The following GRIN2D variants were observed in gnomAD, a reference collection of about 807,000 sequenced individuals.
GRIN2D encodes the protein glutamate receptor ionotropic, NMDA 2D.
GRIN2D carries 37 observed loss-of-function variants against 103.2 expected under a neutral mutation model. The observed-to-expected ratio is 0.36, with a 90% confidence interval of 0.28 to 0.47. GRIN2D has a LOEUF of 0.47. Among genes scored for constraint, GRIN2D ranks in the 20% least tolerant of loss-of-function variants. The probability of loss-of-function intolerance (pLI) is 1.00; values close to 1 mark genes in which losing one functional copy is unlikely to be tolerated. For synonymous variants in GRIN2D, 845 were observed against 885.6 expected, an observed-to-expected ratio of 0.95 and a Z score of 0.81; for missense variants, 1,557 against 1,910.6, an observed-to-expected ratio of 0.81 and a Z score of 3.45.
chr19:48,404,263 A>G (rs1163430495), intron 3 of GRIN2D, among the ~76,000 whole-genome samples: 1 of 151,482 alleles, frequency 6.6e-6, no homozygotes, highest in Non-Finnish European at 1.5e-5. Context: ...AAAAAATCCA[A>G]ACAGGTGTTC....
chr19:48,441,311 C>A (rs1408879239), intron 11 of GRIN2D, among the ~76,000 whole-genome samples: 1 of 144,522 alleles, frequency 6.9e-6, no homozygotes, highest in African/African-American at 2.6e-5. Flanking sequence ...TGCAGTGAGC[C>A]GAGACTGTGC....
At chr19:48,430,137 G>A (rs964632443) in intron 11 of GRIN2D, among the ~76,000 whole-genome samples, 6 of 152,244 alleles carry the variant, frequency 3.9e-5, no homozygotes, top group African/African-American at 1.4e-4. Context: ...CTATGTAAAT[G>A]CTCTCACAGC....
chr19:48,443,860 C>T lies in GRIN2D; in HGVS notation c.3934C>T (p.His1312Tyr). The change falls in exon 14 of 14, where the codon CAC becomes TAC. Residue 1312 changes from histidine (H) to tyrosine (Y), a missense_variant. His to Tyr is a moderately conservative substitution (Grantham distance 83, BLOSUM62 2). Transcript: ENST00000263269. This position sits in a 1 kb window ranked among gnomAD's most constrained non-coding sequence, Gnocchi z 8.9. ...HWGPPLPTAS[H>Y]RRHRGGDLGT... ...GGGGCCGCCGCTGCCCACAGCTTCC[C>T]ACCGGAGACACCGGGGCGGGGACCT... 2 of 1,483,098 alleles carry T rather than the reference C, an allele frequency of 1.3e-6. No individual in the cohort carries two copies. The highest frequency in any genetic ancestry group is 1.8e-6 in the Non-Finnish European group (2 of 1,124,674). 91.9% of individuals were successfully genotyped at this position (1,483,098 alleles called of 1,614,324 possible). A position where few individuals can be genotyped will look rare whatever the true frequency, so the allele number is the denominator to read the frequency against.
chr19:48,421,249 A>T lies in GRIN2D; in HGVS notation c.2092-536A>T, dbSNP rs1971018372. On this transcript the variant is annotated intron_variant, in intron 10 of 13. Transcript: ENST00000263269. This position sits in a 1 kb window ranked among gnomAD's most constrained non-coding sequence, Gnocchi z 4.8. ...TTCGAGACCAGCCTGACCAACATGG[A>T]GAAACCCCATCTCTACTAAAAATAC... Among the ~76,000 whole-genome samples the T allele has an allele frequency of 6.6e-6, 1 of 152,032 alleles. No homozygotes were observed. Among genetic ancestry groups the T allele is most frequent in the Admixed American group, 6.6e-5 (1 of 15,232 alleles).
In GRIN2D at chr19:48,394,522, A is replaced by T. The variant is rs1454207507; in HGVS notation, c.-305-136A>T. On this transcript the variant is annotated intron_variant, in intron 1 of 13. Coordinates refer to ENST00000263269, the MANE Select transcript of GRIN2D (RefSeq NM_000836.4). This position sits in a 1 kb window ranked among gnomAD's most constrained non-coding sequence, Gnocchi z 5.1. Reference sequence around the variant, plus strand: ...GCCAGGGAGAGGCGGGACTGGACACATGGAAAGGGGGGAGGAGCCGGGGCT... The same window carrying T: ...GCCAGGGAGAGGCGGGACTGGACACTTGGAAAGGGGGGAGGAGCCGGGGCT... Among the ~76,000 whole-genome samples, 1 of 117,342 alleles carries T rather than the reference A, an allele frequency of 8.5e-6. No individual in the cohort carries two copies. The highest frequency in any genetic ancestry group is 3.3e-5 in the African/African-American group (1 of 30,448). The allele number at this position is 117,342 out of a possible 152,430, so 77.0% of individuals were successfully genotyped here.
At position 48,443,700 on chromosome 19, in the gene GRIN2D, G is replaced by A; in HGVS notation, c.3774G>A (p.Gly1258=). 1.6e-6 allele frequency: 2 copies of A among 1,281,796 alleles called. No individual in the cohort carries two copies. Among genetic ancestry groups the A allele is most frequent in the South Asian group, 4.6e-5 (2 of 43,584 alleles). The allele number at this position is 1,281,796 out of a possible 1,614,324, so 79.4% of individuals were successfully genotyped here. Residue 1258 remains glycine, a synonymous_variant, in exon 14 of 14, where the codon GGG becomes GGA. Transcript: ENST00000263269. The surrounding 1 kb of genome is among the most constrained non-coding windows in gnomAD (Gnocchi z 8.9). Reference sequence around the variant, plus strand: ...ACCACAGGCACCGGCGCGCCGCTGGGGGCTGGGACCTCCCGCCGCCCGCGC... The same window carrying A: ...ACCACAGGCACCGGCGCGCCGCTGGAGGCTGGGACCTCCCGCCGCCCGCGC... The part of the protein sequence containing the change: ...PHHHRHRRAA[G]GWDLPPPAPT...
chr19:48,443,076 C>A lies in GRIN2D; in HGVS notation c.3150C>A (p.Phe1050Leu), dbSNP rs1216429412. 2 of 1,035,436 alleles carry A rather than the reference C, an allele frequency of 1.9e-6. No individual in the cohort carries two copies. Among genetic ancestry groups the A allele is most frequent in the Admixed American group, 1.0e-4 (2 of 19,308 alleles). The allele number at this position is 1,035,436 out of a possible 1,614,324, so 64.1% of individuals were successfully genotyped here. Residue 1050 changes from phenylalanine to leucine, a missense_variant, in exon 14 of 14, where the codon TTC becomes TTA. Coordinates refer to ENST00000263269, the MANE Select transcript of GRIN2D (RefSeq NM_000836.4). The surrounding 1 kb of genome is among the most constrained non-coding windows in gnomAD (Gnocchi z 8.9). ...AVGPPLCRLAFEDESPPAPAR... is the reference protein window; with the variant it reads ...AVGPPLCRLALEDESPPAPAR... ...GGCCGCCACTCTGCCGCTTGGCCTT[C>A]GAGGACGAGAGCCCGCCGGCGCCCG...
At chr19:48,399,469 G>A (rs576597247) in intron 3 of GRIN2D, among the ~76,000 whole-genome samples, 2 of 152,226 alleles carry the variant, frequency 1.3e-5, no homozygotes, top group South Asian at 4.1e-4. Context: ...TCGGGAGGGT[G>A]AGGCAAGAGA....
intron 8 of GRIN2D, among the ~76,000 whole-genome samples, chr19:48,417,740 G>A (rs916208032): frequency 2.6e-4 from 39 of 152,262 alleles, no homozygotes; most frequent in African/African-American, 7.7e-4. Flanking sequence ...GGTGACAGGC[G>A]TGTCCCCAGC....
rs878903342 is a variant in GRIN2D at position 48,405,168 on chromosome 19, G to T, written c.900G>T (p.Leu300=). 1.9e-6 allele frequency: 3 copies of T among 1,587,820 alleles called. No homozygotes were observed. Among genetic ancestry groups the T allele is most frequent in the South Asian group, 2.3e-5 (2 of 88,418 alleles). Residue 300 remains leucine, a synonymous_variant, in exon 4 of 14, where the codon CTG becomes CTT. Coordinates refer to ENST00000263269, the MANE Select transcript of GRIN2D (RefSeq NM_000836.4). The surrounding 1 kb of genome is among the most constrained non-coding windows in gnomAD (Gnocchi z 5.1). ...EPPLLPGGAP[L]PAGLFAVRSA... is the part of the protein sequence containing the mutation. ...CTCTTCTGCCAGGAGGCGCCCCCCT[G>T]CCTGCCGGGCTGTTTGCAGTGCGCT...
At chr19:48,403,614 C>T (rs1970745437) in intron 3 of GRIN2D, among the ~76,000 whole-genome samples, 1 of 152,066 alleles carries the variant, frequency 6.6e-6, no homozygotes, top group Non-Finnish European at 1.5e-5. Flanking sequence ...TAAGGCACTC[C>T]TAGTGTTTAG....
chr19:48,412,767 C>T (rs967927100), intron 4 of GRIN2D, among the ~76,000 whole-genome samples: 1 of 145,582 alleles, frequency 6.9e-6, no homozygotes, highest in Non-Finnish European at 1.5e-5. Flanking sequence ...CCAGCCTGGG[C>T]AACAAGAGCA....
In GRIN2D at chr19:48,394,461, G is replaced by A. The variant is rs1163120459; in HGVS notation, c.-305-197G>A. Among the ~76,000 whole-genome samples, 3 of 145,050 alleles carry A rather than the reference G, an allele frequency of 2.1e-5. No individual in the cohort carries two copies. The highest frequency in any genetic ancestry group is 3.1e-5 in the Non-Finnish European group (2 of 65,256). ...AGACACAGACGCTGGAAGGGGGGGT[G>A]GGGGGGCTGAGGGCACAAAGCGGGG... On this transcript the variant is annotated intron_variant, in intron 1 of 13. Transcript: ENST00000263269. This position sits in a 1 kb window ranked among gnomAD's most constrained non-coding sequence, Gnocchi z 5.1.
chr19:48,433,719 G>A (rs1211632387), intron 11 of GRIN2D, among the ~76,000 whole-genome samples: 2 of 152,186 alleles, frequency 1.3e-5, no homozygotes, highest in Admixed American at 6.5e-5. Context: ...GCCCCTTTCC[G>A]TAATGTAAGC....
chr19:48,418,344 T>C (rs1970973624), intron 8 of GRIN2D, among the ~76,000 whole-genome samples: 1 of 151,994 alleles, frequency 6.6e-6, no homozygotes, highest in South Asian at 2.1e-4. Context: ...CCTGTGAGTT[T>C]TGAGTAAAGC....
chr19:48,396,304 G>T (rs1569056469), intron 2 of GRIN2D, among the ~76,000 whole-genome samples: 1 of 151,994 alleles, frequency 6.6e-6, no homozygotes, highest in South Asian at 2.1e-4. Context: ...AGTGGGGGAG[G>T]CTGCTCTCCC....
chr19:48,406,933 G>A (rs1020719539), intron 4 of GRIN2D, among the ~76,000 whole-genome samples: 4 of 152,008 alleles, frequency 2.6e-5, no homozygotes, highest in Non-Finnish European at 4.4e-5. Context: ...TACTCTTTCA[G>A]CTCTTTCTGG....
rs1163272145 is a variant in GRIN2D, at chr19:48,437,863, T to C, written c.2253-3906T>C. ...GTGGTATTTTTCTCGCCTATACTTATATTCCAGATGTCATATGGGAACTCC... is the reference window on the plus strand; with the variant it reads ...GTGGTATTTTTCTCGCCTATACTTACATTCCAGATGTCATATGGGAACTCC... On this transcript the variant is annotated intron_variant, in intron 11 of 13. Transcript: ENST00000263269. Among the ~76,000 whole-genome samples, 5 of 152,198 alleles carry C rather than the reference T, an allele frequency of 3.3e-5. 1 individual carries two copies. Among genetic ancestry groups the C allele is most frequent in the African/African-American group, 1.2e-4 (5 of 41,456 alleles).
chr19:48,429,211 A>T (rs544214605), intron 11 of GRIN2D, among the ~76,000 whole-genome samples: 44 of 152,228 alleles, frequency 2.9e-4, no homozygotes, highest in African/African-American at 1.1e-3. Context: ...AGAGTCAGAT[A>T]CAAGAATTTC....
Sources: gnomAD v4.1 joint callset for allele counts (sites outside exome capture counted in the v4.1 genomes callset) on GRCh38, gnomAD v4.1.1 for gene constraint, Gnocchi (gnomAD v3.1) non-coding constraint, MANE v1.5 for transcripts, NCBI Gene and HGNC (gene_info 2026-07-23, HGNC 2026-07-21) for gene names.